The following SPATA6 variants were observed in gnomAD, a reference collection of about 807,000 sequenced individuals.
SPATA6 encodes the protein spermatogenesis associated 6, also known as spermatogenesis-associated protein 6.
Under a neutral mutation model 65.3 loss-of-function variants are expected in SPATA6, and 56 were observed. The observed-to-expected ratio is 0.86, with a 90% CI of 0.69 to 1.07. The LOEUF (loss-of-function observed/expected upper bound fraction) is 1.07. Ranked by LOEUF, SPATA6 falls within the 50% of genes least tolerant of loss-of-function variation. The pLI, the probability that SPATA6 is intolerant of heterozygous loss-of-function variation, is 0.00. For synonymous variants in SPATA6, 199 were observed against 213.2 expected (o/e 0.93, Z 0.58); for missense variants, 590 against 594.8 (o/e 0.99, Z 0.08).
chr1:48,376,067 C>T (rs1466927179), intron 9 of SPATA6, among the ~76,000 whole-genome samples: 1 of 152,118 alleles, frequency 6.6e-6, no homozygotes, highest in Non-Finnish European at 1.5e-5. Flanking sequence ...GATGCCTTCA[C>T]ATTCTAATTT....
intron 3 of SPATA6, among the ~76,000 whole-genome samples, chr1:48,422,370 C>A (rs2148023260): frequency 6.6e-6 from 1 of 152,244 alleles, no homozygotes; most frequent in South Asian, 2.1e-4. Context: ...TCTGCTAATT[C>A]TGGAAAAGAG....
intron 3 of SPATA6, among the ~76,000 whole-genome samples, chr1:48,438,161 C>A (rs1254031552): frequency 2.6e-5 from 4 of 152,116 alleles, no homozygotes; most frequent in African/African-American, 4.8e-5. Flanking sequence ...TGGGTCCATG[C>A]CACCTTTAAG....
intron 7 of SPATA6, among the ~76,000 whole-genome samples, chr1:48,396,868 A>C (rs1238059953): frequency 6.6e-6 from 1 of 151,652 alleles, no homozygotes; most frequent in African/African-American, 2.4e-5. Flanking sequence ...AACAACATGA[A>C]TATATTTAAT....
chr1:48,405,483 C>T (rs1170650224), intron 5 of SPATA6, among the ~76,000 whole-genome samples: 1 of 152,202 alleles, frequency 6.6e-6, no homozygotes, highest in African/African-American at 2.4e-5. Context: ...CAACTGAAAA[C>T]TTGACTGGAG....
At chr1:48,428,870 C>T (rs1394270189) in intron 3 of SPATA6, among the ~76,000 whole-genome samples, 11 of 136,744 alleles carry the variant, frequency 8.0e-5, no homozygotes, top group African/African-American at 2.5e-4. Context: ...TATATATACA[C>T]GTGTGTGTGT....
chr1:48,360,220 T>G (rs1646772439), intron 9 of SPATA6, among the ~76,000 whole-genome samples: 2 of 152,130 alleles, frequency 1.3e-5, no homozygotes, highest in Admixed American at 6.6e-5. Context: ...ATGAATAAAT[T>G]CCTGCTCCTG....
chr1:48,298,831 G>A lies in SPATA6; in HGVS notation c.1349C>T (p.Ala450Val). Residue 450 changes from alanine to valine, a missense_variant, in exon 13 of 13, where the codon GCA (alanine) becomes GTA (valine). Physicochemically the swap from Ala to Val is moderately conservative, Grantham distance 64 (BLOSUM62 0). Coordinates refer to ENST00000371847, the MANE Select transcript of SPATA6 (RefSeq NM_019073.4). ...LDDGEYWSNR[A>V]ASYKGKSHRP... ...GTGGGATTTTCCCTTATAAGAGGCT[G>A]CCCTGTTGGACCAGTATTCACCGTC... 6.2e-7 allele frequency: 1 copy of A among 1,614,024 alleles called. No individual in the cohort carries two copies.
intron 11 of SPATA6, among the ~76,000 whole-genome samples, chr1:48,351,209 C>T (rs1016842296): frequency 6.6e-6 from 1 of 151,968 alleles, no homozygotes; most frequent in African/African-American, 2.4e-5. Context: ...TGTGACCATG[C>T]TCAACTCACT....
chr1:48,406,706 A>G (rs1016026644), intron 5 of SPATA6, among the ~76,000 whole-genome samples: 3 of 152,338 alleles, frequency 2.0e-5, no homozygotes, highest in African/African-American at 7.2e-5. Context: ...TGATATTCAC[A>G]GCTATCATCA....
At chr1:48,412,200 T>C (rs903145522) in intron 4 of SPATA6, among the ~76,000 whole-genome samples, 1 of 152,156 alleles carries the variant, frequency 6.6e-6, no homozygotes, top group South Asian at 2.1e-4. Flanking sequence ...TTGATTAATA[T>C]AGATGTCATC....
In SPATA6 at chr1:48,306,865, C is replaced by T. The variant is rs547114891; in HGVS notation, c.1195-987G>A. On this transcript the variant is annotated intron_variant, in intron 11 of 12. Coordinates refer to ENST00000371847, the MANE Select transcript of SPATA6 (RefSeq NM_019073.4). ...CAAATTTAGAATTGTTATAGTTTCT[C>T]GGTTTTATCATTATGAAGTAGCCTT... Among the ~76,000 whole-genome samples, 12 of 151,816 alleles carry T rather than the reference C, an allele frequency of 7.9e-5. No individual in the cohort carries two copies. In the South Asian group the frequency reaches 1.5e-3, roughly 18 times the overall value.
intron 11 of SPATA6, among the ~76,000 whole-genome samples, chr1:48,335,163 C>T (rs1240002973): frequency 1.3e-5 from 2 of 151,990 alleles, no homozygotes; most frequent in African/African-American, 2.4e-5. Flanking sequence ...AAATTCCATG[C>T]TCATGGATAG....
At chr1:48,442,199 AGGG>A (rs1462456236) in intron 3 of SPATA6, among the ~76,000 whole-genome samples, 8 of 152,216 alleles carry the variant, frequency 5.3e-5, no homozygotes, top group African/African-American at 1.7e-4. Context: ...CTCTTCCCCC[AGGG>A]ACTGGCGCCC....
At chr1:48,468,330 C>G (rs970645966) in intron 1 of SPATA6, among the ~76,000 whole-genome samples, 1 of 152,206 alleles carries the variant, frequency 6.6e-6, no homozygotes, top group African/African-American at 2.4e-5. Flanking sequence ...TTTTGCTCAG[C>G]ATGTTCTTGA....
Position 48,471,877 on chromosome 1 carries a change from G to A in SPATA6, c.51+81C>T. On this transcript the variant is annotated intron_variant, in intron 1 of 12. Transcript: ENST00000371847. Reference sequence around the variant, plus strand: ...TGATTCGGAGGGTGAAGGAGGTTTGGGGGTGGTTCCGGGCTCTCGGAGGTG... The same window carrying A: ...TGATTCGGAGGGTGAAGGAGGTTTGAGGGTGGTTCCGGGCTCTCGGAGGTG... 2.0e-6 allele frequency: 3 copies of A among 1,510,102 alleles called. No individual in the cohort carries two copies. The South Asian group carries it at 3.4e-5, about 17-fold the overall frequency. The allele number at this position is 1,510,102 out of a possible 1,614,324, so 93.5% of individuals were successfully genotyped here. A position where few individuals can be genotyped will look rare whatever the true frequency, so the allele number is the denominator to read the frequency against.
chr1:48,442,717 T>TAAAAAAAAAAAAAAAAA (rs71056669), intron 3 of SPATA6, among the ~76,000 whole-genome samples: 10 of 46,218 alleles, frequency 2.2e-4, no homozygotes, highest in African/African-American at 9.1e-4. Context: ...ATGGAAGTAG[T>TAAAAAAAAAAAAAAAAA]AAAAAAAAAA....
At chr1:48,458,838 A>G (rs908183161) in intron 1 of SPATA6, among the ~76,000 whole-genome samples, 1 of 152,112 alleles carries the variant, frequency 6.6e-6, no homozygotes, top group African/African-American at 2.4e-5. Context: ...GGTGATGAAA[A>G]TGTTCTGAAA....
At chr1:48,371,326 A>G (rs1186492612) in intron 9 of SPATA6, among the ~76,000 whole-genome samples, 1 of 149,924 alleles carries the variant, frequency 6.7e-6, no homozygotes, top group African/African-American at 2.4e-5. Flanking sequence ...TATTCAAACA[A>G]GGAATTTCAA....
At chr1:48,432,881 T>G (rs1476216787) in intron 3 of SPATA6, among the ~76,000 whole-genome samples, 4 of 152,166 alleles carry the variant, frequency 2.6e-5, no homozygotes, top group Non-Finnish European at 4.4e-5. Flanking sequence ...GCAACCCAAG[T>G]GTCTATCAAC....
Sources: allele counts gnomAD v4.1 joint callset (sites outside exome capture counted in the v4.1 genomes callset), GRCh38; gene constraint gnomAD v4.1.1; transcripts MANE v1.5; gene names NCBI Gene and HGNC (gene_info 2026-07-23, HGNC 2026-07-21).